RIN2: variants seen among roughly 807,000 people sequenced by gnomAD.
RIN2 encodes the protein RAB5 interacting protein 2.
In RIN2, 36 loss-of-function variants were observed where a neutral mutation model predicts 78.0. That is an observed-to-expected ratio of 0.46 (90% CI 0.35 to 0.61). The LOEUF (loss-of-function observed/expected upper bound fraction) is 0.61. RIN2 is among the 20% of genes least tolerant of loss of function. RIN2 has a pLI of 0.00. For missense variants in RIN2, 1,087 were observed against 1,159.7 expected (o/e 0.94, Z 0.91); for synonymous variants, 466 against 466.8 (o/e 1.00, Z 0.02).
chr20:19,823,996 T>C (rs1429201695), intron 2 of RIN2: 4 of 1,151,894 alleles, frequency 3.5e-6, no homozygotes, highest in Admixed American at 2.0e-5. Flanking sequence ...CCGAAGAAAG[T>C]TGCACCTTGG....
chr20:19,978,681 A>G (rs996774479), intron 9 of RIN2, among the ~76,000 whole-genome samples: 1 of 152,188 alleles, frequency 6.6e-6, no homozygotes, highest in Non-Finnish European at 1.5e-5. Flanking sequence ...ATACATGTTC[A>G]TTGCCTGGCA....
intron 1 of RIN2, among the ~76,000 whole-genome samples, chr20:19,795,005 A>C (rs1197180170): frequency 6.6e-6 from 1 of 152,218 alleles, no homozygotes; most frequent in Non-Finnish European, 1.5e-5. Flanking sequence ...GTAAGTTTTA[A>C]AAGAATTTGC....
chr20:19,806,600 T>G (rs1291414312), intron 2 of RIN2, among the ~76,000 whole-genome samples: 2 of 152,184 alleles, frequency 1.3e-5, no homozygotes, highest in African/African-American at 4.8e-5. Flanking sequence ...ATCTCCAAAC[T>G]CAGTAGGAAA....
chr20:19,949,246 C>T (rs540818166), intron 4 of RIN2, among the ~76,000 whole-genome samples: 19 of 152,352 alleles, frequency 1.2e-4, no homozygotes, highest in African/African-American at 4.1e-4. Context: ...TGCACCATTG[C>T]ACTTCAGCCT....
At chr20:19,814,946 C>A (rs1042297773) in intron 2 of RIN2, among the ~76,000 whole-genome samples, 64 of 152,240 alleles carry the variant, frequency 4.2e-4, no homozygotes, top group African/African-American at 1.5e-3. Context: ...TTAGAATAAA[C>A]CAAATCCTAT....
chr20:19,879,123 G>GTCCTTGTCAC (rs1159073645), intron 2 of RIN2, among the ~76,000 whole-genome samples: 1 of 152,178 alleles, frequency 6.6e-6, no homozygotes, highest in Non-Finnish European at 1.5e-5. Context: ...AATATCCTAT[G>GTCCTTGTCAC]TCCTTGTCAC....
chr20:19,909,622 T>C (rs997154667), intron 3 of RIN2, among the ~76,000 whole-genome samples: 1 of 152,178 alleles, frequency 6.6e-6, no homozygotes, highest in African/African-American at 2.4e-5. Flanking sequence ...ATTGTGGGCA[T>C]CATCATGCTG....
intron 2 of RIN2, chr20:19,886,607 T>C: frequency 1.2e-6 from 1 of 861,926 alleles, no homozygotes; most frequent in Non-Finnish European, 1.8e-6. Flanking sequence ...CTTCTTCTTC[T>C]TCTTCTTTTT....
chr20:19,929,393 G>C (rs755516256), intron 3 of RIN2, among the ~76,000 whole-genome samples: 1 of 152,034 alleles, frequency 6.6e-6, no homozygotes, highest in Non-Finnish European at 1.5e-5. Context: ...ACAGAGTCTC[G>C]CTCTGTCACC....
intron 1 of RIN2, among the ~76,000 whole-genome samples, chr20:19,773,472 G>C (rs894657543): frequency 6.6e-6 from 1 of 152,152 alleles, no homozygotes; most frequent in Admixed American, 6.5e-5. Context: ...AGGTCAAAGG[G>C]CTGGGTGTGA....
intron 2 of RIN2, among the ~76,000 whole-genome samples, chr20:19,845,378 C>T (rs982364048): frequency 6.6e-6 from 1 of 152,224 alleles, no homozygotes; most frequent in Non-Finnish European, 1.5e-5. Flanking sequence ...TATTTCTCCA[C>T]ATCCTCTCCA....
At chr20:19,833,941 G>T (rs1272742687) in intron 2 of RIN2, among the ~76,000 whole-genome samples, 4 of 152,010 alleles carry the variant, frequency 2.6e-5, no homozygotes, top group Non-Finnish European at 5.9e-5. Context: ...CCTCCTGCTT[G>T]TCCCCGTCCC....
intron 2 of RIN2, among the ~76,000 whole-genome samples, chr20:19,872,883 C>G (rs146057161): frequency 1.3e-3 from 199 of 152,074 alleles, no homozygotes; most frequent in Admixed American, 4.5e-3. Flanking sequence ...TAGCAGAAGC[C>G]CAAACTTCAC....
Position 19,848,663 on chromosome 20 carries a change from GT to G in RIN2, c.-36-40894del, listed in dbSNP as rs11480052. ...CTCTTCCCGGTTTAAGAATGAAACA[GT>G]TTTTTTTTCACAGTACATAGCAGTT... On this transcript the variant is annotated intron_variant, in intron 2 of 12. Coordinates refer to ENST00000255006, the MANE Select transcript of RIN2 (RefSeq NM_018993.4). Among the ~76,000 whole-genome samples the G allele has an allele frequency of 4.0e-5, 6 of 151,084 alleles. No individual in the cohort carries two copies. In the South Asian group the frequency reaches 1.0e-3, roughly 26 times the overall value.
chr20:19,959,620 G>A (rs968869130), intron 5 of RIN2, among the ~76,000 whole-genome samples: 2 of 152,182 alleles, frequency 1.3e-5, no homozygotes, highest in South Asian at 4.1e-4. Context: ...GAGATAAAGA[G>A]AGGAGCAAAG....
chr20:19,866,570 CT>C (rs1237717162), intron 2 of RIN2, among the ~76,000 whole-genome samples: 1 of 152,114 alleles, frequency 6.6e-6, no homozygotes, highest in African/African-American at 2.4e-5. Context: ...AAATTTCAAG[CT>C]TTTAAAAAAC....
chr20:19,853,381 C>A (rs959099043), intron 2 of RIN2, among the ~76,000 whole-genome samples: 1 of 152,088 alleles, frequency 6.6e-6, no homozygotes, highest in South Asian at 2.1e-4. Context: ...GATTTATACT[C>A]CTTTGGGTAT....
chr20:19,989,669 G>C (rs1322871417), intron 9 of RIN2, among the ~76,000 whole-genome samples: 1 of 152,200 alleles, frequency 6.6e-6, no homozygotes, highest in Admixed American at 6.5e-5. Context: ...TGGATGACCA[G>C]TTGAAGGACT....
At chr20:19,902,015 CAAAAAAAAAAAAAA>C (rs55949901) in intron 3 of RIN2, among the ~76,000 whole-genome samples, 12 of 100,666 alleles carry the variant, frequency 1.2e-4, no homozygotes, top group African/African-American at 4.6e-4. Context: ...GACTCTGTCT[CAAAAAAAAAAAAAA>C]AAAAAAAAAA....
Sources: allele counts gnomAD v4.1 joint callset (sites outside exome capture counted in the v4.1 genomes callset), GRCh38; gene constraint gnomAD v4.1.1; transcripts MANE v1.5; gene names NCBI Gene and HGNC (gene_info 2026-07-23, HGNC 2026-07-21).